The following EFCAB7 variants were observed in gnomAD, a reference collection of about 807,000 sequenced individuals.
EFCAB7 encodes EF-hand calcium-binding domain-containing protein 7.
In EFCAB7, 66 loss-of-function variants were observed where a neutral mutation model predicts 77.1. That is an observed-to-expected ratio of 0.86 (90% CI 0.70 to 1.05). The LOEUF (loss-of-function observed/expected upper bound fraction) is 1.05, where lower values mean the gene tolerates loss of function less well. Ranked by LOEUF, EFCAB7 falls within the 50% of genes least tolerant of loss-of-function variation. The pLI, the probability that EFCAB7 is intolerant of heterozygous loss-of-function variation, is 0.00. For synonymous variants in EFCAB7, 225 were observed against 243.3 expected (o/e 0.92, Z 0.70); for missense variants, 638 against 730.5 (o/e 0.87, Z 1.46).
intron 1 of EFCAB7, among the ~76,000 whole-genome samples, chr1:63,524,411 C>T (rs1206697684): frequency 1.3e-5 from 2 of 152,146 alleles, no homozygotes; most frequent in Non-Finnish European, 2.9e-5. Context: ...AGGCGGCCTG[C>T]GTATTATAAA....
In EFCAB7 at chr1:63,541,905, T is replaced by C. The variant is rs142588094; in HGVS notation, c.805-4011T>C. ...CATAGAACCATTTAAATTGAAATTT[T>C]GAATATTGCATAGCAAAATGGTTTT... On this transcript the variant is annotated intron_variant, in intron 6 of 13. Coordinates refer to ENST00000371088, the MANE Select transcript of EFCAB7 (RefSeq NM_032437.4). 7.3e-3 allele frequency among the ~76,000 whole-genome samples: 1,110 copies of C among 152,258 alleles called. 8 individuals are homozygous for C. Among genetic ancestry groups the C allele is most frequent in the African/African-American group, 0.025 (1,052 of 41,556 alleles).
downstream of EFCAB7, among the ~76,000 whole-genome samples, chr1:63,575,891 C>T (rs1395403303): frequency 1.3e-5 from 2 of 152,036 alleles, no homozygotes; most frequent in African/African-American, 4.8e-5. Flanking sequence ...CCAGCCAACA[C>T]CCATTCTTAT....
intron 9 of EFCAB7, among the ~76,000 whole-genome samples, chr1:63,556,489 C>G (rs970907090): frequency 9.9e-5 from 15 of 151,936 alleles, no homozygotes; most frequent in Non-Finnish European, 4.4e-5. Flanking sequence ...AGTCAAACAT[C>G]GACAATTTCT....
intron 10 of EFCAB7, among the ~76,000 whole-genome samples, chr1:63,561,045 A>T (rs547250040): frequency 9.8e-5 from 15 of 152,354 alleles, no homozygotes; most frequent in African/African-American, 3.6e-4. Context: ...GTTACAGACA[A>T]ATTCAGGAAT....
At chr1:63,563,973 G>C (rs938415063) in intron 11 of EFCAB7, among the ~76,000 whole-genome samples, 5 of 151,392 alleles carry the variant, frequency 3.3e-5, no homozygotes, top group African/African-American at 1.2e-4. Context: ...TTTTTTTTCT[G>C]TTTTCCTTTT....
At chr1:63,569,885 G>C (rs1647216202) in intron 12 of EFCAB7, 1 of 152,078 alleles carries the variant, frequency 6.6e-6, no homozygotes, top group African/African-American at 2.4e-5. Flanking sequence ...GTTTTATTAG[G>C]GTTAAAAAGG....
chr1:63,551,173 C>G (rs1646959928), intron 7 of EFCAB7: 2 of 152,128 alleles, frequency 1.3e-5, no homozygotes, highest in Admixed American at 1.3e-4. Context: ...GCCCTGCAAC[C>G]TCAGCTTTTG....
At chr1:63,552,114 G>A (rs1292370118) in intron 8 of EFCAB7, among the ~76,000 whole-genome samples, 1 of 152,018 alleles carries the variant, frequency 6.6e-6, no homozygotes, top group Admixed American at 6.6e-5. Flanking sequence ...CTGCTACTTG[G>A]GAAACTGAAG....
chr1:63,549,194 C>G (rs751444497), intron 7 of EFCAB7: 8 of 326,426 alleles, frequency 2.5e-5, no homozygotes, highest in Non-Finnish European at 4.3e-5. Context: ...ATTGAATACT[C>G]ACATAATGCT....
At chr1:63,580,869 T>C in the EFCAB7 span, among the ~76,000 whole-genome samples, 8 of 152,232 alleles carry the variant, frequency 5.3e-5, no homozygotes, top group African/African-American at 1.9e-4. Flanking sequence ...ATTGCTAATA[T>C]GTAACAATAT....
chr1:63,563,150 T>G (rs1049410965), intron 11 of EFCAB7, among the ~76,000 whole-genome samples: 1 of 152,200 alleles, frequency 6.6e-6, no homozygotes, highest in East Asian at 1.9e-4. Flanking sequence ...GGGAAATTAG[T>G]TAAGAGCAAT....
At chr1:63,565,373 C>CA (rs1443638619) in intron 11 of EFCAB7, among the ~76,000 whole-genome samples, 4 of 149,556 alleles carry the variant, frequency 2.7e-5, no homozygotes, top group African/African-American at 9.9e-5. Context: ...AAAAAAACAA[C>CA]AACAACAAAA....
chr1:63,581,970 TAAATC>T, the EFCAB7 span, among the ~76,000 whole-genome samples: 1 of 152,234 alleles, frequency 6.6e-6, no homozygotes, highest in African/African-American at 2.4e-5. Context: ...TATGCAGTAT[TAAATC>T]ATAACTGTAT....
rs909343303 is a variant in EFCAB7 at position 63,551,781 on chromosome 1, G to A, written c.1003G>A (p.Glu335Lys). Reference protein sequence around the residue: ...DTALYILKENESQANLQLVCF... With the variant: ...DTALYILKENKSQANLQLVCF... Reference sequence around the variant, plus strand: ...TGCCTTGTATATTCTCAAGGAAAATGAGAGTCAAGCAAATCTACAGCTTGT... The same window carrying A: ...TGCCTTGTATATTCTCAAGGAAAATAAGAGTCAAGCAAATCTACAGCTTGT... Residue 335 changes from glutamate (E) to lysine (K), a missense_variant, in exon 8 of 14, where the codon GAG becomes AAG. Glu to Lys is a moderately conservative substitution (Grantham distance 56). Coordinates refer to ENST00000371088, the MANE Select transcript of EFCAB7 (RefSeq NM_032437.4). The A allele has an allele frequency of 1.3e-6, 2 of 1,591,120 alleles. No homozygotes were observed. Among genetic ancestry groups the A allele is most frequent in the East Asian group, 2.3e-5 (1 of 44,082 alleles).
intron 10 of EFCAB7, among the ~76,000 whole-genome samples, chr1:63,561,052 G>C (rs1570433519): frequency 6.6e-6 from 1 of 152,090 alleles, no homozygotes; most frequent in East Asian, 1.9e-4. Context: ...ACAAATTCAG[G>C]AATTATGCAT....
Position 63,551,782 on chromosome 1 carries a change from A to G in EFCAB7, c.1004A>G (p.Glu335Gly). Reference protein sequence around the residue: ...DTALYILKENESQANLQLVCF... With the variant: ...DTALYILKENGSQANLQLVCF... ...GCCTTGTATATTCTCAAGGAAAATG[A>G]GAGTCAAGCAAATCTACAGCTTGTG... The change falls in exon 8 of 14, where the codon GAG (glutamate) becomes GGG (glycine). Residue 335 changes from glutamate to glycine, a missense_variant. Physicochemically the swap from Glu to Gly is moderately conservative, Grantham distance 98 (BLOSUM62 -2). Coordinates refer to ENST00000371088, the MANE Select transcript of EFCAB7 (RefSeq NM_032437.4). The G allele has an allele frequency of 6.3e-7, 1 of 1,591,648 alleles. No individual in the cohort carries two copies. Among genetic ancestry groups the G allele is most frequent in the Non-Finnish European group, 8.6e-7 (1 of 1,168,502 alleles).
intron 9 of EFCAB7, among the ~76,000 whole-genome samples, chr1:63,555,720 T>C (rs948417937): frequency 3.9e-5 from 6 of 152,044 alleles, no homozygotes; most frequent in Non-Finnish European, 7.4e-5. Flanking sequence ...CTGCATGATC[T>C]CACTTATATG....
chr1:63,583,605 C>A, the EFCAB7 span, among the ~76,000 whole-genome samples: 2 of 152,088 alleles, frequency 1.3e-5, no homozygotes, highest in Non-Finnish European at 2.9e-5. Context: ...CTTTAAGTCT[C>A]ATTTCACGTG....
chr1:63,557,053 A>C lies in EFCAB7; in HGVS notation c.1215-61A>C, dbSNP rs1647039873. The C allele has an allele frequency of 2.7e-5, 36 of 1,352,792 alleles. No individual in the cohort carries two copies. In the South Asian group the frequency reaches 4.9e-4, roughly 18 times the overall value. The allele number at this position is 1,352,792 out of a possible 1,614,324, so 83.8% of individuals were successfully genotyped here. A position where few individuals can be genotyped will look rare whatever the true frequency, so the allele number is the denominator to read the frequency against. On this transcript the variant is annotated intron_variant, in intron 9 of 13. Coordinates refer to ENST00000371088, the MANE Select transcript of EFCAB7 (RefSeq NM_032437.4). ...ACTCCGTCTCAAAAAAAAAAAAAAA[A>C]CCCTTCTTCAGCGTAGTTGCCTTAG...
Sources: gnomAD v4.1 joint callset for allele counts (sites outside exome capture counted in the v4.1 genomes callset) on GRCh38, gnomAD v4.1.1 for gene constraint, MANE v1.5 for transcripts, NCBI Gene and HGNC (gene_info 2026-07-23, HGNC 2026-07-21) for gene names.